The following SYTL5 variants were observed in gnomAD, a reference collection of about 807,000 sequenced individuals.
SYTL5 encodes synaptotagmin-like protein 5.
In SYTL5, 34 loss-of-function variants were observed where a neutral mutation model predicts 55.9. That is an observed-to-expected ratio of 0.61 (90% CI 0.46 to 0.81). The LOEUF (loss-of-function observed/expected upper bound fraction) is 0.81, where lower values mean the gene tolerates loss of function less well. Ranked by LOEUF, SYTL5 falls within the 30% of genes least tolerant of loss-of-function variation. The pLI is 0.00. For synonymous variants in SYTL5, 221 were observed against 188.7 expected (o/e 1.17, Z -1.40); for missense variants, 637 against 546.7 (o/e 1.17, Z -1.65).
intron 1 of SYTL5, among the ~76,000 whole-genome samples, chrX:38,013,080 G>A (rs1172418728): frequency 1.8e-5 from 2 of 112,298 alleles, no homozygotes; most frequent in African/African-American, 6.5e-5. Context: ...TGTCCTGTTT[G>A]CATTAGCCAT....
chrX:37,988,166 C>T, the SYTL5 span, among the ~76,000 whole-genome samples: 1 of 111,646 alleles, frequency 9.0e-6, no homozygotes, highest in Non-Finnish European at 1.9e-5. Flanking sequence ...GAATTTGACA[C>T]AGAAGAAGGA....
chrX:38,056,139 C>A (rs1011601637), intron 3 of SYTL5, among the ~76,000 whole-genome samples: 1 of 111,821 alleles, frequency 8.9e-6, no homozygotes, highest in Admixed American at 9.5e-5. Context: ...CCTCTGGTAA[C>A]CATCCTTCCA....
chrX:38,076,729 T>C (rs767073279), intron 6 of SYTL5, 28 bp downstream of exon 6: 2 of 1,196,642 alleles, frequency 1.7e-6, no homozygotes, highest in African/African-American at 3.5e-5. Context: ...TGAGCAATGA[T>C]GTAGCCTGAG....
intron 2 of SYTL5, among the ~76,000 whole-genome samples, chrX:38,044,601 C>A (rs185792809): frequency 1.8e-5 from 2 of 111,998 alleles, no homozygotes; most frequent in Non-Finnish European, 3.8e-5. Flanking sequence ...CAAGTCAATT[C>A]TATCATTGCA....
rs1041086323 is a variant in SYTL5 at position 38,017,644 on chromosome X, A to C, written c.-357+10976A>C. Reference sequence around the variant, plus strand: ...GATAACGAGATTCAGATAAGCTGGGAAAGAAGGAAGTTTATTTCTGTAACC... The same window carrying C: ...GATAACGAGATTCAGATAAGCTGGGCAAGAAGGAAGTTTATTTCTGTAACC... On this transcript the variant is annotated intron_variant, in intron 1 of 16. Transcript: ENST00000297875. Among the ~76,000 whole-genome samples, 5 of 109,116 alleles carry C rather than the reference A, an allele frequency of 4.6e-5. No individual in the cohort carries two copies. The Admixed American group carries it at 4.9e-4, about 11-fold the overall frequency. The allele number at this position is 109,116 out of a possible 115,157, so 94.8% of individuals were successfully genotyped here.
chrX:37,991,132 C>T, the SYTL5 span: 2,166 of 1,209,562 alleles, frequency 1.8e-3, 28 homozygotes, highest in African/African-American at 0.033. Context: ...CCCCACAGCG[C>T]TGAGAGTGAT....
At chrX:38,054,555 G>T in intron 3 of SYTL5, 133 bp downstream of exon 3, 1 of 493,887 alleles carries the variant, frequency 2.0e-6, no homozygotes, top group Non-Finnish European at 3.2e-6. Flanking sequence ...CCAATCACAG[G>T]CTTAGCAATG....
chrX:38,117,118 G>C (rs1372659502), intron 13 of SYTL5, among the ~76,000 whole-genome samples: 6 of 112,002 alleles, frequency 5.4e-5, no homozygotes, highest in Non-Finnish European at 3.8e-5. Context: ...TAGTGGGTTG[G>C]ATAATGACAA....
the SYTL5 span, among the ~76,000 whole-genome samples, chrX:37,964,545 T>C: frequency 9.0e-6 from 1 of 111,545 alleles, no homozygotes; most frequent in African/African-American, 3.3e-5. Flanking sequence ...AATATTGGCC[T>C]GTAATTTTCT....
intron 2 of SYTL5, among the ~76,000 whole-genome samples, chrX:38,034,694 G>A (rs1293524488): frequency 2.7e-5 from 3 of 112,013 alleles, no homozygotes; most frequent in African/African-American, 9.7e-5. Flanking sequence ...TGGTTTCCCC[G>A]GCATGACTTC....
chrX:38,122,718 G>C (rs1379567664), intron 15 of SYTL5, among the ~76,000 whole-genome samples: 2 of 112,118 alleles, frequency 1.8e-5, no homozygotes. Context: ...TTGTGCCCAA[G>C]TTGTGGAGCA....
At chrX:38,101,461 G>A (rs1357289204) in intron 9 of SYTL5, among the ~76,000 whole-genome samples, 3 of 110,899 alleles carry the variant, frequency 2.7e-5, no homozygotes, top group Admixed American at 1.9e-4. Flanking sequence ...TCAGATTTGT[G>A]TATGTTTTTA....
intron 9 of SYTL5, among the ~76,000 whole-genome samples, chrX:38,100,851 CTGTGGTGTGTGTATAT>C (rs1311667015): frequency 9.0e-6 from 1 of 110,860 alleles, no homozygotes; most frequent in Non-Finnish European, 1.9e-5. Flanking sequence ...TGTGTGTATA[CTGTGGTGTGTGTATAT>C]GCGCCAGGAT....
chrX:38,010,044 T>C (rs928733551), intron 1 of SYTL5, among the ~76,000 whole-genome samples: 1 of 112,448 alleles, frequency 8.9e-6, no homozygotes, highest in African/African-American at 3.2e-5. Context: ...TGCAGTCAGA[T>C]GACCTGAGTT....
At chrX:37,914,623 C>T in the SYTL5 span, among the ~76,000 whole-genome samples, 34 of 111,605 alleles carry the variant, frequency 3.0e-4, no homozygotes, top group Non-Finnish European at 5.5e-4. Flanking sequence ...AGTAGAGGTA[C>T]GAACATTGAT....
At chrX:37,959,601 G>A in the SYTL5 span, among the ~76,000 whole-genome samples, 233 of 111,872 alleles carry the variant, frequency 2.1e-3, 1 homozygote, top group African/African-American at 7.2e-3. Flanking sequence ...AGACTCTGTT[G>A]TCCCTAGTAT....
At chrX:38,092,330 G>A (rs1002278966) in intron 7 of SYTL5, among the ~76,000 whole-genome samples, 3 of 111,615 alleles carry the variant, frequency 2.7e-5, no homozygotes, top group Non-Finnish European at 5.6e-5. Context: ...TGCAAGCTGC[G>A]GAAAGAGAGA....
chrX:38,049,796 C>G (rs1935575475), intron 2 of SYTL5, among the ~76,000 whole-genome samples: 1 of 112,128 alleles, frequency 8.9e-6, no homozygotes, highest in South Asian at 3.7e-4. Flanking sequence ...ATTGTCTATT[C>G]CATAATTATT....
intron 3 of SYTL5, among the ~76,000 whole-genome samples, chrX:38,061,250 A>C (rs1650998284): frequency 8.9e-6 from 1 of 112,069 alleles, no homozygotes; most frequent in Admixed American, 9.5e-5. Flanking sequence ...TCTCATTTTT[A>C]AAGCTGAAAA....
Sources: gnomAD v4.1 joint callset for allele counts (sites outside exome capture counted in the v4.1 genomes callset) on GRCh38, gnomAD v4.1.1 for gene constraint, MANE v1.5 for transcripts, NCBI Gene and HGNC (gene_info 2026-07-23, HGNC 2026-07-21) for gene names.